The following ZNF469 variants were observed in gnomAD, a reference collection of about 807,000 sequenced individuals.
ZNF469 encodes the protein zinc finger protein 469.
Under a neutral mutation model 1.0 loss-of-function variants are expected in ZNF469, and 1 was observed. That is an observed-to-expected ratio of 1.00 (90% CI 0.35 to 4.73). The LOEUF (loss-of-function observed/expected upper bound fraction) is 4.73, where lower values mean the gene tolerates loss of function less well. ZNF469 is among the 30% of genes most tolerant of loss of function. The pLI, the probability that ZNF469 is intolerant of heterozygous loss-of-function variation, is 0.16. For synonymous variants in ZNF469, 2,703 were observed against 2,363.4 expected, an observed-to-expected ratio of 1.14 and a Z score of -4.17; for missense variants, 6,100 against 5,356.3, an observed-to-expected ratio of 1.14 and a Z score of -4.33.
the ZNF469 span, among the ~76,000 whole-genome samples, chr16:88,160,688 T>G: frequency 0.26 from 38,771 of 152,000 alleles, 5,954 homozygotes; most frequent in East Asian, 0.49. Context: ...CCCGCTGTTG[T>G]TAGGGTTGAG....
the ZNF469 span, among the ~76,000 whole-genome samples, chr16:88,185,551 G>A: frequency 0.024 from 3,546 of 149,854 alleles, 49 homozygotes; most frequent in Middle Eastern, 0.046. Flanking sequence ...ACTCACATTC[G>A]CACTCACACA....
At chr16:88,405,310 T>C (rs1013389271) in intron 1 of ZNF469, among the ~76,000 whole-genome samples, 8 of 152,174 alleles carry the variant, frequency 5.3e-5, no homozygotes. Flanking sequence ...CCGCTGTGGT[T>C]TGGCCACCAC....
chr16:88,226,154 AC>A, the ZNF469 span, among the ~76,000 whole-genome samples: 1 of 152,076 alleles, frequency 6.6e-6, no homozygotes, highest in African/African-American at 2.4e-5. Context: ...AGGGTGCTAA[AC>A]GTCTTCCACC....
At chr16:88,176,124 C>T in the ZNF469 span, among the ~76,000 whole-genome samples, 1 of 151,794 alleles carries the variant, frequency 6.6e-6, no homozygotes, top group East Asian at 1.9e-4. Flanking sequence ...AGCCTGATGG[C>T]CTGAGGACGT....
chr16:88,249,702 C>T, the ZNF469 span, among the ~76,000 whole-genome samples: 3 of 152,320 alleles, frequency 2.0e-5, no homozygotes, highest in African/African-American at 7.2e-5. Context: ...TCCCAAAGCG[C>T]TGGGATTACA....
chr16:88,264,817 C>T, the ZNF469 span, among the ~76,000 whole-genome samples: 4 of 151,868 alleles, frequency 2.6e-5, no homozygotes, highest in African/African-American at 7.3e-5. Flanking sequence ...CCCCCCGCCT[C>T]GCACCCTCGC....
the ZNF469 span, among the ~76,000 whole-genome samples, chr16:88,146,624 A>G: frequency 3.3e-3 from 496 of 152,190 alleles, 2 homozygotes; most frequent in Non-Finnish European, 4.4e-3. Context: ...CACCGTCTCC[A>G]GTCTCTGCCC....
the ZNF469 span, among the ~76,000 whole-genome samples, chr16:88,119,565 C>G: frequency 6.6e-6 from 1 of 152,322 alleles, no homozygotes; most frequent in South Asian, 2.1e-4. Flanking sequence ...ATGAACAACA[C>G]CTGCTCCTGG....
chr16:88,291,216 G>A, the ZNF469 span, among the ~76,000 whole-genome samples: 3 of 152,244 alleles, frequency 2.0e-5, no homozygotes, highest in Admixed American at 2.0e-4. Context: ...AAGCACCAGT[G>A]GGCAGAAACC....
the ZNF469 span, among the ~76,000 whole-genome samples, chr16:88,147,699 C>G: frequency 6.6e-6 from 1 of 152,084 alleles, no homozygotes; most frequent in African/African-American, 2.4e-5. Context: ...GCTTGCTCAA[C>G]CCTGGGGCAT....
the ZNF469 span, chr16:88,302,489 T>C: frequency 6.6e-6 from 1 of 152,184 alleles, no homozygotes; most frequent in Admixed American, 6.5e-5. Context: ...TTCCTCGGCT[T>C]CTCCATGAAA....
At chr16:88,251,807 C>T in the ZNF469 span, among the ~76,000 whole-genome samples, 2 of 151,894 alleles carry the variant, frequency 1.3e-5, no homozygotes, top group African/African-American at 4.8e-5. Context: ...GATCCACCTG[C>T]CTCGGCCTCC....
chr16:88,387,739 C>T (rs964856718), intron 1 of ZNF469, among the ~76,000 whole-genome samples: 3 of 152,150 alleles, frequency 2.0e-5, no homozygotes, highest in Non-Finnish European at 4.4e-5. Flanking sequence ...GTGTGGGGAA[C>T]GCTGGGTGCT....
At chr16:88,232,069 G>T in the ZNF469 span, among the ~76,000 whole-genome samples, 107 of 152,238 alleles carry the variant, frequency 7.0e-4, no homozygotes, top group African/African-American at 2.5e-3. Context: ...GGGAAGGCAG[G>T]GCGGGCGCGA....
chr16:88,167,845 C>T, the ZNF469 span, among the ~76,000 whole-genome samples: 1 of 152,230 alleles, frequency 6.6e-6, no homozygotes, highest in Non-Finnish European at 1.5e-5. Context: ...ACGGACCGCT[C>T]CTTACAGCGA....
chr16:88,215,458 G>C, the ZNF469 span, among the ~76,000 whole-genome samples: 20 of 125,730 alleles, frequency 1.6e-4, no homozygotes, highest in African/African-American at 5.8e-4. Context: ...GGCATGACCT[G>C]GGCTTGTTGC....
chr16:88,332,009 T>G, the ZNF469 span, among the ~76,000 whole-genome samples: 1 of 152,228 alleles, frequency 6.6e-6, no homozygotes, highest in African/African-American at 2.4e-5. Flanking sequence ...AGAGCAGAGC[T>G]GGGTTTGACC....
upstream of ZNF469, among the ~76,000 whole-genome samples, chr16:88,378,699 C>G (rs898708572): frequency 6.6e-6 from 1 of 152,240 alleles, no homozygotes; most frequent in Non-Finnish European, 1.5e-5. Context: ...CAGTCAGCAC[C>G]TGGGACAGGC....
At chr16:88,413,064 G>A (rs1905217250) in intron 1 of ZNF469, among the ~76,000 whole-genome samples, 1 of 152,012 alleles carries the variant, frequency 6.6e-6, no homozygotes, top group South Asian at 2.1e-4. Flanking sequence ...TAGCGGTGTG[G>A]CATCCCCATT....
Sources: allele counts gnomAD v4.1 joint callset (sites outside exome capture counted in the v4.1 genomes callset), GRCh38; gene constraint gnomAD v4.1.1; transcripts MANE v1.5; gene names NCBI Gene and HGNC (gene_info 2026-07-23, HGNC 2026-07-21).